CALN1: variants seen among roughly 807,000 people sequenced by gnomAD.
CALN1 encodes the protein calneuron 1.
Under a neutral mutation model 30.6 loss-of-function variants are expected in CALN1, and 17 were observed. That is an observed-to-expected ratio of 0.56 (90% confidence interval 0.38 to 0.83). CALN1 has a LOEUF of 0.83. CALN1 is among the 40% of genes least tolerant of loss of function. The pLI is 0.00. For synonymous variants in CALN1, 156 were observed against 131.4 expected, an observed-to-expected ratio of 1.19 and a Z score of -1.28; for missense variants, 291 against 354.9, an observed-to-expected ratio of 0.82 and a Z score of 1.45.
At chr7:72,211,625 G>A (rs758734101) in intron 3 of CALN1, among the ~76,000 whole-genome samples, 7 of 152,118 alleles carry the variant, frequency 4.6e-5, no homozygotes, top group Non-Finnish European at 8.8e-5. Context: ...AACAAGGCCT[G>A]GTACATCACG....
intron 5 of CALN1, among the ~76,000 whole-genome samples, chr7:71,917,920 C>A (rs948030103): frequency 6.6e-6 from 1 of 152,138 alleles, no homozygotes; most frequent in African/African-American, 2.4e-5. Flanking sequence ...TTAACTATGT[C>A]TCAGTGAAAC....
chr7:72,056,599 AAATC>A (rs1284336205), intron 4 of CALN1, among the ~76,000 whole-genome samples: 1 of 152,052 alleles, frequency 6.6e-6, no homozygotes, highest in African/African-American at 2.4e-5. Flanking sequence ...TCTAAGCTTA[AAATC>A]AATAAAGGAA....
intron 3 of CALN1, among the ~76,000 whole-genome samples, chr7:72,263,241 T>C (rs983138502): frequency 6.6e-6 from 1 of 152,220 alleles, no homozygotes; most frequent in African/African-American, 2.4e-5. Context: ...ATAATAGGAA[T>C]AGTAATTCCT....
At chr7:72,308,361 C>CTG (rs1419427038) in intron 2 of CALN1, among the ~76,000 whole-genome samples, 4 of 49,734 alleles carry the variant, frequency 8.0e-5, no homozygotes, top group Middle Eastern at 0.011. Context: ...GAGATGCTGT[C>CTG]TGTGGGGGGG....
intron 2 of CALN1, among the ~76,000 whole-genome samples, chr7:72,317,963 A>G (rs998477955): frequency 6.6e-6 from 1 of 152,240 alleles, no homozygotes; most frequent in Non-Finnish European, 1.5e-5. Context: ...TGTGCAATAG[A>G]TCAAATTCTA....
intron 5 of CALN1, among the ~76,000 whole-genome samples, chr7:71,931,625 G>A (rs977636434): frequency 6.6e-6 from 1 of 152,146 alleles, no homozygotes; most frequent in Non-Finnish European, 1.5e-5. Flanking sequence ...TTTGGCTGAT[G>A]GACTGTAATT....
intron 4 of CALN1, among the ~76,000 whole-genome samples, chr7:72,079,166 G>C (rs929409880): frequency 6.6e-6 from 1 of 152,186 alleles, no homozygotes; most frequent in Admixed American, 6.5e-5. Flanking sequence ...GACCTTCAAG[G>C]ATGCAAAGCC....
intron 1 of CALN1, among the ~76,000 whole-genome samples, chr7:72,446,651 G>A (rs1808535723): frequency 6.6e-6 from 1 of 152,160 alleles, no homozygotes; most frequent in Admixed American, 6.5e-5. Flanking sequence ...GCAGGGCACC[G>A]ATTTGACAGG....
At chr7:72,293,797 T>A (rs113991187) in intron 2 of CALN1, among the ~76,000 whole-genome samples, 4 of 152,192 alleles carry the variant, frequency 2.6e-5, no homozygotes, top group African/African-American at 7.2e-5. Flanking sequence ...AGCATTCAGG[T>A]AGAAAATACA....
At position 72,435,296 on chromosome 7, in the gene CALN1, C is replaced by A. The variant is rs548528836; in HGVS notation, c.-226+11746G>T. 3.1e-3 allele frequency among the ~76,000 whole-genome samples: 467 copies of A among 149,668 alleles called. 1 individual carries two copies. The highest frequency in any genetic ancestry group is 5.4e-3 in the Non-Finnish European group (363 of 67,474). On this transcript the variant is annotated intron_variant, in intron 1 of 6. Coordinates refer to the CALN1 transcript ENST00000395276. Reference sequence around the variant, plus strand: ...AAGGGAAGGGGAAGGGGAAGGGGAACGAGAAGGGGGAAGAGACATAGGAAA... The same window carrying A: ...AAGGGAAGGGGAAGGGGAAGGGGAAAGAGAAGGGGGAAGAGACATAGGAAA...
At chr7:72,199,872 G>A (rs573572966) in intron 3 of CALN1, among the ~76,000 whole-genome samples, 8 of 152,072 alleles carry the variant, frequency 5.3e-5, no homozygotes, top group South Asian at 2.1e-4. Flanking sequence ...CTGAGCCAAC[G>A]GTCAAACTAT....
At chr7:71,909,766 T>C (rs1300243083) in intron 5 of CALN1, among the ~76,000 whole-genome samples, 1 of 152,184 alleles carries the variant, frequency 6.6e-6, no homozygotes, top group African/African-American at 2.4e-5. Context: ...CCAAAGGGGA[T>C]GCATTTGTCA....
the CALN1 span, among the ~76,000 whole-genome samples, chr7:72,484,232 G>A: frequency 6.6e-6 from 1 of 151,660 alleles, no homozygotes; most frequent in South Asian, 2.1e-4. Context: ...TTACCTTGTT[G>A]GATGCTGGCT....
chr7:72,410,686 A>T (rs2129562916), intron 1 of CALN1, among the ~76,000 whole-genome samples: 1 of 152,330 alleles, frequency 6.6e-6, no homozygotes, highest in African/African-American at 2.4e-5. Context: ...GAAAACCAAG[A>T]CCCTATGAAC....
intron 3 of CALN1, among the ~76,000 whole-genome samples, chr7:72,253,629 A>G (rs535760334): frequency 4.6e-5 from 7 of 152,378 alleles, no homozygotes; most frequent in African/African-American, 1.7e-4. Flanking sequence ...TCATAAGAAC[A>G]GCACGGGGGA....
At chr7:71,951,074 C>A (rs1037373835) in intron 5 of CALN1, among the ~76,000 whole-genome samples, 1 of 152,202 alleles carries the variant, frequency 6.6e-6, no homozygotes, top group Admixed American at 6.5e-5. Flanking sequence ...TCTGCCCCAT[C>A]TCTCTCATTC....
rs140928893 is a variant in CALN1, at chr7:72,385,321, AC to A, written c.119+17929del. ...GTATTTACTCAACTCATTTGAAAAC[AC>A]TATGTCCACACAAAAATCTACATGC... On this transcript the variant is annotated intron_variant, in intron 2 of 6. Transcript: ENST00000395275. Among the ~76,000 whole-genome samples, 1,175 of 152,330 alleles carry A rather than the reference AC, an allele frequency of 7.7e-3. 9 individuals carry two copies. Among genetic ancestry groups the A allele is most frequent in the Middle Eastern group, 0.031 (9 of 294 alleles).
rs985205802 is a variant in CALN1 at position 71,786,198 on chromosome 7, C to T, written c.*1577G>A. The T allele has an allele frequency of 3.9e-5, 6 of 152,152 alleles. No homozygotes were observed. Among genetic ancestry groups the T allele is most frequent in the African/African-American group, 1.4e-4 (6 of 41,408 alleles). 9.4% of individuals were successfully genotyped at this position (152,152 alleles called of 1,614,324 possible). A position where few individuals can be genotyped will look rare whatever the true frequency, so the allele number is the denominator to read the frequency against. On this transcript the variant is annotated 3_prime_UTR_variant, in exon 7 of 7. Transcript: ENST00000395275. ...AGGGAGATCAGGAACACACAACGCACCAAAAAATCCTACCCACTGCATAGA... is the reference window on the plus strand; with the variant it reads ...AGGGAGATCAGGAACACACAACGCATCAAAAAATCCTACCCACTGCATAGA...
At chr7:71,853,629 G>A (rs1035284944) in intron 5 of CALN1, among the ~76,000 whole-genome samples, 4 of 151,772 alleles carry the variant, frequency 2.6e-5, no homozygotes, top group African/African-American at 9.7e-5. Context: ...AGCCAGGCTG[G>A]AGTGCAGTGG....
Sources: allele counts gnomAD v4.1 joint callset (sites outside exome capture counted in the v4.1 genomes callset), GRCh38; gene constraint gnomAD v4.1.1; transcripts MANE v1.5; gene names NCBI Gene and HGNC (gene_info 2026-07-23, HGNC 2026-07-21).